Variants in DIAPH2 observed in about 807,000 individuals in gnomAD.
DIAPH2 encodes the protein diaphanous related formin 2.
A neutral mutation model predicts 92.7 loss-of-function variants in DIAPH2; 35 were observed. The observed-to-expected ratio is 0.38, with a 90% confidence interval of 0.29 to 0.50. DIAPH2 has a LOEUF of 0.50. DIAPH2 is among the 20% of genes least tolerant of loss of function. The probability of loss-of-function intolerance (pLI) is 0.94; values close to 1 mark genes in which losing one functional copy is unlikely to be tolerated. For missense variants in DIAPH2, 701 were observed against 819.5 expected (o/e 0.86, Z 1.77); for synonymous variants, 301 against 280.4 (o/e 1.07, Z -0.73).
At chrX:96,774,056 C>T (rs904799732) in intron 4 of DIAPH2, among the ~76,000 whole-genome samples, 2 of 111,787 alleles carry the variant, frequency 1.8e-5, no homozygotes, top group African/African-American at 6.5e-5. Context: ...CACTAAGTGC[C>T]AAGAACCGTG....
intron 19 of DIAPH2, among the ~76,000 whole-genome samples, chrX:97,083,195 A>G (rs1463278617): frequency 8.9e-6 from 1 of 112,206 alleles, no homozygotes; most frequent in Non-Finnish European, 1.9e-5. Flanking sequence ...ATAATCTAAC[A>G]TAATATAAAA....
rs146820086 is a variant in DIAPH2 at position 97,345,121 on chromosome X, T to G, written c.2845-2995T>G. Among the ~76,000 whole-genome samples the G allele has an allele frequency of 6.6e-3, 739 of 111,827 alleles. 2 individuals are homozygous for G. Among genetic ancestry groups the G allele is most frequent in the African/African-American group, 0.022 (692 of 30,824 alleles). ...AAAACCAATATATATATGATGACAGTCTCAAAGGTAAAAATCAGAATGTTT... is the reference window on the plus strand; with the variant it reads ...AAAACCAATATATATATGATGACAGGCTCAAAGGTAAAAATCAGAATGTTT... On this transcript the variant is annotated intron_variant, in intron 23 of 26. Transcript: ENST00000324765.
At chrX:96,932,714 G>A (rs996289199) in intron 10 of DIAPH2, among the ~76,000 whole-genome samples, 2 of 111,153 alleles carry the variant, frequency 1.8e-5, no homozygotes, top group African/African-American at 6.5e-5. Context: ...AGAACATGGT[G>A]TGTAATGATC....
At chrX:97,239,977 AATTG>A (rs1306013839) in intron 22 of DIAPH2, among the ~76,000 whole-genome samples, 2 of 110,845 alleles carry the variant, frequency 1.8e-5, no homozygotes, top group Non-Finnish European at 3.8e-5. Context: ...TCATAATATT[AATTG>A]ATTGCCAACT....
intron 22 of DIAPH2, among the ~76,000 whole-genome samples, chrX:97,162,810 C>T (rs1365989642): frequency 9.0e-6 from 1 of 111,704 alleles, no homozygotes; most frequent in Admixed American, 9.5e-5. Flanking sequence ...CCACCGTGTT[C>T]CTTTTATTGA....
intron 19 of DIAPH2, among the ~76,000 whole-genome samples, chrX:97,079,139 C>T (rs1346284823): frequency 9.0e-6 from 1 of 110,830 alleles, no homozygotes; most frequent in Non-Finnish European, 1.9e-5. Flanking sequence ...TCCGGTTTGC[C>T]ACAGGTGCCA....
intron 9 of DIAPH2, among the ~76,000 whole-genome samples, chrX:96,922,563 T>C (rs2065553014): frequency 8.9e-6 from 1 of 111,751 alleles, no homozygotes; most frequent in Admixed American, 9.5e-5. Context: ...TTGTCAGTTA[T>C]CTGTAAAAAA....
intron 13 of DIAPH2, among the ~76,000 whole-genome samples, chrX:96,942,956 A>G (rs1220470946): frequency 1.0e-5 from 1 of 99,221 alleles, no homozygotes; most frequent in Non-Finnish European, 2.1e-5. Context: ...TAACATTCAA[A>G]GATGGATAAC....
chrX:97,074,682 G>C (rs1046178428), intron 18 of DIAPH2, among the ~76,000 whole-genome samples: 9 of 111,817 alleles, frequency 8.0e-5, no homozygotes, highest in African/African-American at 2.3e-4. Flanking sequence ...GATGATTTAG[G>C]CACTTTAATT....
At chrX:97,342,422 G>A (rs2069120268) in intron 23 of DIAPH2, among the ~76,000 whole-genome samples, 1 of 112,185 alleles carries the variant, frequency 8.9e-6, no homozygotes, top group Non-Finnish European at 1.9e-5. Context: ...TTCCATTTTT[G>A]TGACATACTA....
chrX:97,500,763 G>GATATAT lies in DIAPH2; in HGVS notation c.3241+71053_3241+71058dup, dbSNP rs56041649. 4.2e-3 allele frequency among the ~76,000 whole-genome samples: 250 copies of GATATAT among 60,066 alleles called. 4 individuals carry two copies. Among genetic ancestry groups the GATATAT allele is most frequent in the Middle Eastern group, 0.014 (1 of 73 alleles). The allele number at this position is 60,066 out of a possible 115,157, so 52.2% of individuals were successfully genotyped here. On this transcript the variant is annotated intron_variant, in intron 26 of 26. Transcript: ENST00000324765. ...TGATTTCACAACAGCCATTCAAGGA[G>GATATAT]ATATATATATATATATATATATATA...
chrX:97,411,476 A>G (rs942185088), intron 25 of DIAPH2, among the ~76,000 whole-genome samples: 2 of 112,128 alleles, frequency 1.8e-5, no homozygotes, highest in African/African-American at 6.5e-5. Context: ...CATCGAGGCT[A>G]GGAAGAAACT....
chrX:97,146,036 T>G (rs2067245442), intron 22 of DIAPH2, among the ~76,000 whole-genome samples: 1 of 84,761 alleles, frequency 1.2e-5, no homozygotes, highest in Non-Finnish European at 2.3e-5. Flanking sequence ...TTTTTTTTAC[T>G]AAAGCCTTAG....
intron 26 of DIAPH2, among the ~76,000 whole-genome samples, chrX:97,510,405 A>G (rs1476350620): frequency 7.2e-5 from 8 of 111,621 alleles, no homozygotes; most frequent in Non-Finnish European, 9.4e-5. Flanking sequence ...GATTCTGGAT[A>G]TTAGCCCTTT....
rs772823646 is a variant in DIAPH2, at chrX:96,937,416, T to G, written c.1208+65T>G. 467 of 667,408 alleles carry G rather than the reference T, an allele frequency of 7.0e-4. 2 individuals carry two copies. Among genetic ancestry groups the G allele is most frequent in the Admixed American group, 2.7e-3 (88 of 32,912 alleles). 55.0% of individuals were successfully genotyped at this position (667,408 alleles called of 1,213,427 possible). ...GTGAGAAAGGGATTTGTGGGCGATTTTGTGGAACATTATTAGAGTTCTTGT... is the reference window on the plus strand; with the variant it reads ...GTGAGAAAGGGATTTGTGGGCGATTGTGTGGAACATTATTAGAGTTCTTGT... On this transcript the variant is annotated intron_variant, in intron 11 of 26. Transcript: ENST00000324765.
chrX:96,936,104 A>C (rs2065655631), intron 10 of DIAPH2, among the ~76,000 whole-genome samples: 1 of 112,045 alleles, frequency 8.9e-6, no homozygotes, highest in African/African-American at 3.2e-5. Context: ...AATGAAACCA[A>C]ATATAAATAC....
At chrX:97,371,106 A>G (rs2069444245) in intron 24 of DIAPH2, among the ~76,000 whole-genome samples, 1 of 111,899 alleles carries the variant, frequency 8.9e-6, no homozygotes, top group Non-Finnish European at 1.9e-5. Flanking sequence ...GAGGCAGGTG[A>G]GGATGGAGAA....
intron 26 of DIAPH2, among the ~76,000 whole-genome samples, chrX:97,527,741 A>C (rs5967323): frequency 0.091 from 10,154 of 112,059 alleles, 1,114 homozygotes; most frequent in African/African-American, 0.31. Flanking sequence ...TGCTTGAGGA[A>C]AAACAGGTTT....
At chrX:96,989,797 T>C (rs1275215365) in intron 17 of DIAPH2, among the ~76,000 whole-genome samples, 1 of 111,799 alleles carries the variant, frequency 8.9e-6, no homozygotes, top group African/African-American at 3.3e-5. Context: ...TTCAGACCAC[T>C]AGTTTCCCTT....
Sources: gnomAD v4.1 joint callset for allele counts (sites outside exome capture counted in the v4.1 genomes callset) on GRCh38, gnomAD v4.1.1 for gene constraint, MANE v1.5 for transcripts, NCBI Gene and HGNC (gene_info 2026-07-23, HGNC 2026-07-21) for gene names.